TAFAZZIN: variants seen among roughly 807,000 people sequenced by gnomAD.
The protein encoded by TAFAZZIN is protein G4.5.
A neutral mutation model predicts 27.3 loss-of-function variants in TAFAZZIN; 6 were observed. The ratio of observed to expected loss-of-function variants is 0.22; its 90% CI spans 0.12 to 0.43. The LOEUF (loss-of-function observed/expected upper bound fraction) is 0.43, where lower values mean the gene tolerates loss of function less well. Among genes scored for constraint, TAFAZZIN ranks in the 20% least tolerant of loss-of-function variants. The pLI is 1.00. For missense variants in TAFAZZIN, 127 were observed against 244.5 expected, an observed-to-expected ratio of 0.52 and a Z score of 3.21; for synonymous variants, 79 against 96.2, an observed-to-expected ratio of 0.82 and a Z score of 1.04.
chrX:154,415,342 C>G (rs970105260), intron 5 of TAFAZZIN, among the ~76,000 whole-genome samples: 1 of 104,856 alleles, frequency 9.5e-6, no homozygotes. Context: ...CCGCCTCAGC[C>G]TCTCAAAGTG....
chrX:154,419,370 A>C (rs1557193730), intron 5 of TAFAZZIN, 173 bp from the exon 6 acceptor site: 1 of 503,852 alleles, frequency 2.0e-6, no homozygotes, highest in Non-Finnish European at 3.4e-6. Flanking sequence ...GGAAGTCCCT[A>C]ATCTGCTGGG....
Position 154,421,373 on chromosome X carries a change from G to T in TAFAZZIN, c.*369G>T, listed in dbSNP as rs782227200. 4 of 364,503 alleles carry T rather than the reference G, an allele frequency of 1.1e-5. No individual in the cohort carries two copies. Among genetic ancestry groups the T allele is most frequent in the Non-Finnish European group, 2.1e-5 (4 of 193,233 alleles). The allele number at this position is 364,503 out of a possible 1,213,427, so 30.0% of individuals were successfully genotyped here. ...TGGAGAGGGGACCCTAAGACTCCTC[G>T]GCCTGGCTCCTACCCACCGCCCTTG... On this transcript the variant is annotated 3_prime_UTR_variant, in exon 11 of 11. Coordinates refer to ENST00000601016, the MANE Select transcript of TAFAZZIN (RefSeq NM_000116.5).
At chrX:154,416,434 CA>C (rs1244460521) in intron 5 of TAFAZZIN, among the ~76,000 whole-genome samples, 1,529 of 83,037 alleles carry the variant, frequency 0.018, 14 homozygotes, top group African/African-American at 0.045. Context: ...GACTCCGTCT[CA>C]AAAAAAAAAA....
intron 2 of TAFAZZIN, chrX:154,412,786 T>G: frequency 4.1e-6 from 1 of 241,620 alleles, no homozygotes; most frequent in Non-Finnish European, 7.6e-6. Context: ...CTAGAGTTCA[T>G]GGGGAGCCAC....
intron 5 of TAFAZZIN, among the ~76,000 whole-genome samples, chrX:154,414,756 C>T (rs1206827265): frequency 4.9e-5 from 5 of 101,885 alleles, no homozygotes; most frequent in Non-Finnish European, 4.0e-5. Context: ...TCTGGGAGGC[C>T]GAGGCGGGCG....
Position 154,420,754 on chromosome X carries a change from C to G in TAFAZZIN, c.777+19C>G. The G allele has an allele frequency of 8.3e-7, 1 of 1,209,263 alleles. No individual in the cohort carries two copies. Among genetic ancestry groups the G allele is most frequent in the Non-Finnish European group, 1.1e-6 (1 of 893,474 alleles). ...GTCGGCTGTGAGTTTCCTCCTGGGT[C>G]CCCCGTAGCTGTCCCCGGACCCCCT... On this transcript the variant is annotated intron_variant, in intron 10 of 10. Transcript: ENST00000601016.
chrX:154,419,365 T>C, intron 5 of TAFAZZIN, 178 bp from the exon 6 acceptor site: 1 of 490,588 alleles, frequency 2.0e-6, no homozygotes. Flanking sequence ...GGATGGGAAG[T>C]CCCTAATCTG....
chrX:154,413,166 G>A (rs2148190286), intron 2 of TAFAZZIN, 41 bp from the exon 3 acceptor site: 1 of 1,210,323 alleles, frequency 8.3e-7, no homozygotes, highest in East Asian at 3.0e-5. Flanking sequence ...ACTCCCTGGG[G>A]ATATGGGAAG....
Position 154,419,922 on chromosome X carries a change from G to A in TAFAZZIN, c.584-110G>A. 2.7e-6 allele frequency: 3 copies of A among 1,115,311 alleles called. No homozygotes were observed. The Admixed American group carries it at 6.5e-5, about 24-fold the overall frequency. 91.9% of individuals were successfully genotyped at this position (1,115,311 alleles called of 1,213,427 possible). Reference sequence around the variant, plus strand: ...TGCCTCTCGCAGGGGCTTGCCCAAGGGAGCTGAATTGAACTGGAGGATGTC... The same window carrying A: ...TGCCTCTCGCAGGGGCTTGCCCAAGAGAGCTGAATTGAACTGGAGGATGTC... On this transcript the variant is annotated intron_variant, in intron 7 of 10. Transcript: ENST00000601016.
rs782205988 is a variant in TAFAZZIN, at chrX:154,421,631, T to A, written c.*627T>A. The A allele has an allele frequency of 9.1e-6, 3 of 329,000 alleles. No individual in the cohort carries two copies. The highest frequency in any genetic ancestry group is 1.8e-5 in the Non-Finnish European group (3 of 169,940). The allele number at this position is 329,000 out of a possible 1,213,427, so 27.1% of individuals were successfully genotyped here. ...CATGCTGGCGCCAACAACTTCTCCA[T>A]CCTTTCTGCCTCTCAACATCACTTG... is the stretch of plus-strand genomic sequence containing the variant. On this transcript the variant is annotated 3_prime_UTR_variant, in exon 11 of 11. Transcript: ENST00000601016.
At chrX:154,416,842 G>A (rs782368073) in intron 5 of TAFAZZIN, among the ~76,000 whole-genome samples, 1 of 111,722 alleles carries the variant, frequency 9.0e-6, no homozygotes, top group East Asian at 2.8e-4. Context: ...GAACTTAGAA[G>A]AATGATCAGG....
chrX:154,419,380 G>A, intron 5 of TAFAZZIN, 163 bp from the exon 6 acceptor site: 1 of 534,448 alleles, frequency 1.9e-6, no homozygotes, highest in Non-Finnish European at 3.1e-6. Flanking sequence ...AATCTGCTGG[G>A]GCTTTCCCAG....
intron 5 of TAFAZZIN, among the ~76,000 whole-genome samples, chrX:154,417,134 C>CAA (rs1251172273): frequency 1.2e-4 from 7 of 56,770 alleles, no homozygotes; most frequent in African/African-American, 4.6e-4. Flanking sequence ...GACTCCGTCT[C>CAA]AAAAAAAAAA....
At chrX:154,417,288 G>A (rs1333953145) in intron 5 of TAFAZZIN, among the ~76,000 whole-genome samples, 1 of 112,439 alleles carries the variant, frequency 8.9e-6, no homozygotes, top group Non-Finnish European at 1.9e-5. Flanking sequence ...AGATGGCAGG[G>A]AGCCATGGCC....
At chrX:154,414,990 GAAA>G (rs1160162016) in intron 5 of TAFAZZIN, among the ~76,000 whole-genome samples, 2 of 72,738 alleles carry the variant, frequency 2.7e-5, no homozygotes, top group Admixed American at 1.6e-4. Flanking sequence ...ACTCCGTCTG[GAAA>G]AAAAAAAAAA....
At chrX:154,417,271 G>T (rs782630516) in intron 5 of TAFAZZIN, among the ~76,000 whole-genome samples, 131 of 112,654 alleles carry the variant, frequency 1.2e-3, no homozygotes, top group African/African-American at 4.1e-3. Flanking sequence ...GGAGAGAGAA[G>T]CCACCAAGAT....
rs2068302073 is a variant in TAFAZZIN at position 154,411,773 on chromosome X, G to A, written c.-71G>A. On this transcript the variant is annotated 5_prime_UTR_variant, in exon 1 of 11. Coordinates refer to ENST00000601016, the MANE Select transcript of TAFAZZIN (RefSeq NM_000116.5). The stretch of plus-strand genomic sequence containing the variant: ...AGGGGCCAGTGTCTCGAGCGGTCGA[G>A]GTCGCAGACCTAGAGGCGCCCCACA... The A allele has an allele frequency of 9.9e-7, 1 of 1,008,141 alleles. No individual in the cohort carries two copies. The highest frequency in any genetic ancestry group is 1.9e-5 in the African/African-American group (1 of 52,892). The allele number at this position is 1,008,141 out of a possible 1,213,427, so 83.1% of individuals were successfully genotyped here. A position where few individuals can be genotyped will look rare whatever the true frequency, so the allele number is the denominator to read the frequency against.
At position 154,421,525 on chromosome X, in the gene TAFAZZIN, G is replaced by A. The variant is rs782062999; in HGVS notation, c.*521G>A. 2.4e-5 allele frequency: 8 copies of A among 329,579 alleles called. No individual in the cohort carries two copies. Among genetic ancestry groups the A allele is most frequent in the East Asian group, 1.9e-4 (2 of 10,301 alleles). 27.2% of individuals were successfully genotyped at this position (329,579 alleles called of 1,213,427 possible). A position where few individuals can be genotyped will look rare whatever the true frequency, so the allele number is the denominator to read the frequency against. ...GTCTGGCCTCAGGTGGGCCGCAGGCGGGAAAAGCAGCCCTTGGCCAGAAGT... is the reference window on the plus strand; with the variant it reads ...GTCTGGCCTCAGGTGGGCCGCAGGCAGGAAAAGCAGCCCTTGGCCAGAAGT... On this transcript the variant is annotated 3_prime_UTR_variant, in exon 11 of 11. Coordinates refer to ENST00000601016, the MANE Select transcript of TAFAZZIN (RefSeq NM_000116.5).
chrX:154,412,421 G>C, intron 2 of TAFAZZIN: 2 of 500,420 alleles, frequency 4.0e-6, no homozygotes, highest in Non-Finnish European at 6.5e-6. Flanking sequence ...CTTGGGCATG[G>C]AGCAGGACCA....
Sources: gnomAD v4.1 joint callset for allele counts (sites outside exome capture counted in the v4.1 genomes callset) on GRCh38, gnomAD v4.1.1 for gene constraint, MANE v1.5 for transcripts, NCBI Gene and HGNC (gene_info 2026-07-23, HGNC 2026-07-21) for gene names.